Variants in ABL2 observed in about 807,000 individuals in gnomAD.
The protein encoded by ABL2 is tyrosine-protein kinase ABL2.
ABL2 carries 49 observed loss-of-function variants against 107.7 expected under a neutral mutation model. That is an observed-to-expected ratio of 0.45 (90% CI 0.36 to 0.58). The LOEUF (loss-of-function observed/expected upper bound fraction) is 0.58. ABL2 is among the 20% of genes least tolerant of loss of function. ABL2 has a pLI of 0.00. For synonymous variants in ABL2, 549 were observed against 548.6 expected, an observed-to-expected ratio of 1.00 and a Z score of -0.01; for missense variants, 1,245 against 1,457.0, an observed-to-expected ratio of 0.85 and a Z score of 2.37.
chr1:179,174,003 T>C (rs1395518306), intron 1 of ABL2, among the ~76,000 whole-genome samples: 1 of 152,142 alleles, frequency 6.6e-6, no homozygotes, highest in Non-Finnish European at 1.5e-5. Flanking sequence ...AAGAAAATGG[T>C]TTCTGGCCGG....
Position 179,108,765 on chromosome 1 carries a change from T to C in ABL2, c.2502A>G (p.Pro834=). ...ENVDRANDML[P]KKSEESAAPS... is the part of the protein sequence containing the mutation. ...GAGCAGCACTTTCCTCTGATTTTTT[T>C]GGAAGCATGTCATTGGCCCTGTCCA... The change falls in exon 12 of 12, where the codon CCA becomes CCG. Residue 834 remains proline (P), a synonymous_variant. Coordinates refer to ENST00000502732, the MANE Select transcript of ABL2 (RefSeq NM_007314.4). The C allele has an allele frequency of 1.2e-6, 2 of 1,614,220 alleles. No homozygotes were observed. Among genetic ancestry groups the C allele is most frequent in the Non-Finnish European group, 1.7e-6 (2 of 1,180,036 alleles).
In ABL2 at chr1:179,099,589, C is replaced by T. The variant is rs1045137610; in HGVS notation, c.*8129G>A. On this transcript the variant is annotated 3_prime_UTR_variant, in exon 12 of 12. Coordinates refer to ENST00000502732, the MANE Select transcript of ABL2 (RefSeq NM_007314.4). ...ACAATTGATGTGTTTTTAGTTAAAT[C>T]CCACATTGTCTCACTATGTCCCCTT... 4 of 230,026 alleles carry T rather than the reference C, an allele frequency of 1.7e-5. No individual in the cohort carries two copies. In the Admixed American group the frequency reaches 2.3e-4, roughly 13 times the overall value. 14.2% of individuals were successfully genotyped at this position (230,026 alleles called of 1,614,324 possible).
At chr1:179,229,170 G>GAAACACA in intron 1 of ABL2, 71 bp downstream of exon 1, 1 of 266,256 alleles carries the variant, frequency 3.8e-6, no homozygotes, top group Non-Finnish European at 6.8e-6. Context: ...CAGCCCGTCC[G>GAAACACA]CCACCCACCC....
At chr1:179,138,948 C>A (rs904206037) in intron 1 of ABL2, among the ~76,000 whole-genome samples, 1 of 152,220 alleles carries the variant, frequency 6.6e-6, no homozygotes, top group African/African-American at 2.4e-5. Flanking sequence ...GAGCAGCCAG[C>A]CAGCCCTGTC....
intron 1 of ABL2, among the ~76,000 whole-genome samples, chr1:179,228,944 ACTTT>A (rs1663382719): frequency 6.6e-6 from 1 of 151,870 alleles, no homozygotes; most frequent in Non-Finnish European, 1.5e-5. Context: ...GCTGCCATTC[ACTTT>A]CTTTCTGCAG....
rs1654034747 is a variant in ABL2 at position 179,111,173 on chromosome 1, G to A, written c.1652-718C>T. On this transcript the variant is annotated intron_variant, in intron 10 of 11. Transcript: ENST00000502732. ...TATTCTTTGTATTTTCAGTAGAGAT[G>A]GGGTTTCACCATGTTGGCCAGGCTG... Among the ~76,000 whole-genome samples the A allele has an allele frequency of 2.6e-5, 4 of 151,392 alleles. No homozygotes were observed. The South Asian group carries it at 8.4e-4, about 32-fold the overall frequency.
rs948193610 is a variant in ABL2, at chr1:179,218,831, T to C, written c.157+10410A>G. On this transcript the variant is annotated intron_variant, in intron 1 of 11. Transcript: ENST00000502732. ...CTCCTCAGCCCTAAATCAGAAACCC[T>C]GGAGGTGGGACCCAGCAATCTGCTT... is the stretch of plus-strand genomic sequence containing the variant. Among the ~76,000 whole-genome samples, 4 of 152,202 alleles carry C rather than the reference T, an allele frequency of 2.6e-5. No homozygotes were observed. In the East Asian group the frequency reaches 5.8e-4, roughly 22 times the overall value.
chr1:179,188,436 A>T (rs1660805720), intron 1 of ABL2, among the ~76,000 whole-genome samples: 1 of 151,942 alleles, frequency 6.6e-6, no homozygotes, highest in Admixed American at 6.6e-5. Flanking sequence ...CATCCCAGCT[A>T]CTCAGGGGGC....
chr1:179,218,546 G>A (rs1325250707), intron 1 of ABL2, among the ~76,000 whole-genome samples: 1 of 152,026 alleles, frequency 6.6e-6, no homozygotes, highest in African/African-American at 2.4e-5. Context: ...ACAGGCGTAC[G>A]CCACCACGCC....
intron 9 of ABL2, among the ~76,000 whole-genome samples, 167 bp from the exon 10 acceptor site, chr1:179,112,565 T>C (rs1014231160): frequency 1.1e-4 from 17 of 152,134 alleles, no homozygotes; most frequent in African/African-American, 3.9e-4. Context: ...GACTCAGAGG[T>C]ATAATGAACC....
In ABL2 at chr1:179,172,194, G is replaced by T. The variant is rs116616050; in HGVS notation, c.158-38820C>A. Among the ~76,000 whole-genome samples, 841 of 152,264 alleles carry T rather than the reference G, an allele frequency of 5.5e-3. 10 individuals are homozygous for T. The highest frequency in any genetic ancestry group is 0.019 in the African/African-American group (797 of 41,564). On this transcript the variant is annotated intron_variant, in intron 1 of 11. Transcript: ENST00000502732. ...GGTATATGCTACACTTAAAGAAAAG[G>T]AAATTCCTTATTAGGTCTTGTCCTA...
At chr1:179,179,578 AC>A (rs1660251179) in intron 1 of ABL2, among the ~76,000 whole-genome samples, 1 of 152,062 alleles carries the variant, frequency 6.6e-6, no homozygotes, top group Non-Finnish European at 1.5e-5. Context: ...TACGGGAAAA[AC>A]AAAAAAGTAA....
At chr1:179,118,532 A>T in intron 7 of ABL2, 55 bp downstream of exon 7, 1 of 1,536,740 alleles carries the variant, frequency 6.5e-7, no homozygotes, top group South Asian at 1.2e-5. Context: ...TCTTCCTTTT[A>T]TCTGCATGTC....
intron 1 of ABL2, among the ~76,000 whole-genome samples, chr1:179,137,290 T>C (rs570247045): frequency 3.3e-5 from 5 of 152,238 alleles, no homozygotes; most frequent in African/African-American, 1.2e-4. Flanking sequence ...AATGCAAAAA[T>C]TATCTACTCT....
chr1:179,139,714 G>A (rs1333503810), intron 1 of ABL2, among the ~76,000 whole-genome samples: 1 of 152,170 alleles, frequency 6.6e-6, no homozygotes, highest in Non-Finnish European at 1.5e-5. Context: ...GGGCCACACA[G>A]CAGCAGGTGA....
Position 179,146,454 on chromosome 1 carries a change from G to A in ABL2, c.158-13080C>T, listed in dbSNP as rs565971374. Among the ~76,000 whole-genome samples the A allele has an allele frequency of 3.3e-5, 5 of 152,260 alleles. No homozygotes were observed. In the South Asian group the frequency reaches 8.3e-4, roughly 25 times the overall value. On this transcript the variant is annotated intron_variant, in intron 1 of 11. Transcript: ENST00000502732. ...AGTATACCTTATCCAAAACACTTGA[G>A]ACCTGAAGTGTTTCAGGTTTAAAAT...
intron 1 of ABL2, among the ~76,000 whole-genome samples, chr1:179,135,326 G>A (rs933966935): frequency 1.3e-5 from 2 of 150,562 alleles, no homozygotes; most frequent in Non-Finnish European, 2.9e-5. Flanking sequence ...GGGAAGTGAG[G>A]AGCGTCTCTG....
chr1:179,102,510 A>G lies in ABL2; in HGVS notation c.*5208T>C, dbSNP rs1653181254. ...ACAGAGACACAAACCGCTGAAGCCT[A>G]TCAATACTTAAGCCAGAGACCCACC... On this transcript the variant is annotated 3_prime_UTR_variant, in exon 12 of 12. Transcript: ENST00000502732. 1.3e-5 allele frequency: 3 copies of G among 226,886 alleles called. No homozygotes were observed. The highest frequency in any genetic ancestry group is 6.3e-5 in the East Asian group (1 of 15,880). 14.1% of individuals were successfully genotyped at this position (226,886 alleles called of 1,614,324 possible). A position where few individuals can be genotyped will look rare whatever the true frequency, so the allele number is the denominator to read the frequency against.
intron 1 of ABL2, among the ~76,000 whole-genome samples, chr1:179,204,017 CATTTATTT>C (rs28991601): frequency 5.9e-5 from 9 of 151,946 alleles, no homozygotes; most frequent in African/African-American, 1.7e-4. Flanking sequence ...AAAATATTTC[CATTTATTT>C]ATTTATTTAT....
Sources: allele counts gnomAD v4.1 joint callset (sites outside exome capture counted in the v4.1 genomes callset), GRCh38; gene constraint gnomAD v4.1.1; transcripts MANE v1.5; gene names NCBI Gene and HGNC (gene_info 2026-07-23, HGNC 2026-07-21).